ZFAND3: variants seen among roughly 807,000 people sequenced by gnomAD.
ZFAND3 encodes zinc finger AN1-type containing 3, also known as AN1-type zinc finger protein 3.
ZFAND3 carries 10 observed loss-of-function variants against 29.6 expected under a neutral mutation model. That is an observed-to-expected ratio of 0.34 (90% CI 0.21 to 0.57). The LOEUF is 0.57. Ranked by LOEUF, ZFAND3 falls within the 20% of genes least tolerant of loss-of-function variation. The pLI, the probability that ZFAND3 is intolerant of heterozygous loss-of-function variation, is 0.86. For synonymous variants in ZFAND3, 128 were observed against 112.6 expected, an observed-to-expected ratio of 1.14 and a Z score of -0.87; for missense variants, 230 against 304.5, an observed-to-expected ratio of 0.76 and a Z score of 1.82.
intron 4 of ZFAND3, among the ~76,000 whole-genome samples, chr6:38,116,253 A>G (rs866270399): frequency 1.3e-5 from 2 of 152,244 alleles, no homozygotes; most frequent in African/African-American, 4.8e-5. Flanking sequence ...ATACAAAGAC[A>G]GGACCCCATT....
intron 1 of ZFAND3, among the ~76,000 whole-genome samples, chr6:37,821,030 A>C (rs1468631814): frequency 3.9e-5 from 6 of 152,092 alleles, no homozygotes; most frequent in Non-Finnish European, 8.8e-5. Flanking sequence ...GTTTTGTTTT[A>C]GTTTTATTTT....
At chr6:37,879,860 G>T (rs1315109407) in intron 1 of ZFAND3, among the ~76,000 whole-genome samples, 1 of 152,150 alleles carries the variant, frequency 6.6e-6, no homozygotes, top group East Asian at 1.9e-4. Flanking sequence ...GAAGATGTTG[G>T]CTTGGAACTT....
intron 2 of ZFAND3, among the ~76,000 whole-genome samples, chr6:37,962,608 A>T (rs549128775): frequency 6.6e-6 from 1 of 152,104 alleles, no homozygotes; most frequent in Non-Finnish European, 1.5e-5. Context: ...AAATGCAGCA[A>T]TCAGCACTCT....
intron 1 of ZFAND3, among the ~76,000 whole-genome samples, chr6:37,900,764 G>A (rs1021925852): frequency 6.6e-6 from 1 of 152,002 alleles, no homozygotes. Context: ...TGCAGAATCG[G>A]GTGGGGCAAG....
intron 2 of ZFAND3, among the ~76,000 whole-genome samples, chr6:38,043,653 C>T (rs896704686): frequency 2.0e-4 from 30 of 151,432 alleles, no homozygotes; most frequent in African/African-American, 6.3e-4. Flanking sequence ...TGCTCTGTAA[C>T]CTAGATGGAG....
intron 5 of ZFAND3, among the ~76,000 whole-genome samples, chr6:38,146,706 C>G (rs1766114799): frequency 1.3e-5 from 2 of 152,200 alleles, no homozygotes; most frequent in Non-Finnish European, 2.9e-5. Flanking sequence ...ACATTTTCAG[C>G]CACTTTGCCA....
At chr6:37,829,766 C>T (rs776870812) in intron 1 of ZFAND3, among the ~76,000 whole-genome samples, 5 of 152,108 alleles carry the variant, frequency 3.3e-5, no homozygotes, top group Non-Finnish European at 5.9e-5. Context: ...TGCTTAAAAC[C>T]GTGCATTTTA....
intron 1 of ZFAND3, among the ~76,000 whole-genome samples, chr6:37,917,044 T>C (rs1304568787): frequency 1.3e-5 from 2 of 152,252 alleles, no homozygotes; most frequent in African/African-American, 4.8e-5. Flanking sequence ...ATAGTGATGC[T>C]GACATAGTGT....
chr6:37,888,949 A>G (rs1765046821), intron 1 of ZFAND3, among the ~76,000 whole-genome samples: 1 of 152,228 alleles, frequency 6.6e-6, no homozygotes, highest in Non-Finnish European at 1.5e-5. Context: ...CTGTTCCTGT[A>G]TTTATCCCAC....
At chr6:37,841,845 T>G (rs1764082923) in intron 1 of ZFAND3, among the ~76,000 whole-genome samples, 1 of 152,188 alleles carries the variant, frequency 6.6e-6, no homozygotes. Context: ...AGCATAGTAT[T>G]CAGTGAGTTT....
chr6:37,969,562 G>A (rs1323084454), intron 2 of ZFAND3, among the ~76,000 whole-genome samples: 1 of 152,204 alleles, frequency 6.6e-6, no homozygotes, highest in African/African-American at 2.4e-5. Context: ...GGCTGGATGA[G>A]TACTCAAAGT....
intron 4 of ZFAND3, 73 bp downstream of exon 4, chr6:38,082,530 TGGTGTG>T: frequency 7.0e-7 from 1 of 1,435,534 alleles, no homozygotes; most frequent in Non-Finnish European, 9.7e-7. Flanking sequence ...GGTTCTAACT[TGGTGTG>T]CTTCTCAGGG....
chr6:37,903,975 A>G (rs1765364855), intron 1 of ZFAND3, among the ~76,000 whole-genome samples: 1 of 152,182 alleles, frequency 6.6e-6, no homozygotes, highest in Non-Finnish European at 1.5e-5. Flanking sequence ...AGGAATAAAT[A>G]ACTATAGCCT....
chr6:38,019,437 G>A (rs1763308417), intron 2 of ZFAND3, among the ~76,000 whole-genome samples: 2 of 152,046 alleles, frequency 1.3e-5, no homozygotes, highest in South Asian at 4.1e-4. Flanking sequence ...TTCACATTAA[G>A]AAAATGAGTC....
intron 2 of ZFAND3, among the ~76,000 whole-genome samples, chr6:37,979,584 A>G (rs1762547181): frequency 6.6e-6 from 1 of 152,166 alleles, no homozygotes; most frequent in African/African-American, 2.4e-5. Context: ...ACTCTATGCA[A>G]TGCTCCTGAA....
At chr6:37,846,642 T>TG in intron 1 of ZFAND3, among the ~76,000 whole-genome samples, 1 of 152,050 alleles carries the variant, frequency 6.6e-6, no homozygotes, top group East Asian at 1.9e-4. Flanking sequence ...TAGAAAGAGG[T>TG]GGAGCTGGAA....
At chr6:38,115,955 C>T (rs1454113731) in intron 4 of ZFAND3, among the ~76,000 whole-genome samples, 1 of 152,142 alleles carries the variant, frequency 6.6e-6, no homozygotes, top group African/African-American at 2.4e-5. Flanking sequence ...TGCATGTGTA[C>T]CAGCAGAGGT....
chr6:37,973,254 T>TA (rs1762421177), intron 2 of ZFAND3, among the ~76,000 whole-genome samples: 1 of 152,166 alleles, frequency 6.6e-6, no homozygotes, highest in African/African-American at 2.4e-5. Flanking sequence ...TTTATGGGAT[T>TA]AAAAAAATTC....
chr6:37,929,980 C>G lies in ZFAND3; in HGVS notation c.93C>G (p.Leu31=). Residue 31 remains leucine, a synonymous_variant, in exon 2 of 6, where the codon CTC becomes CTG. Coordinates refer to ENST00000287218, the MANE Select transcript of ZFAND3 (RefSeq NM_021943.3). ...GFWGSSKTMN[L]CSKCFADFQK... ...CCAGGTCCAGCAAGACTATGAATCT[C>G]TGTTCCAAATGCTTTGCTGGTAAGT... 3 of 1,595,734 alleles carry G rather than the reference C, an allele frequency of 1.9e-6. No individual in the cohort carries two copies. The highest frequency in any genetic ancestry group is 1.7e-4 in the Middle Eastern group (1 of 5,974).
Sources: gnomAD v4.1 joint callset for allele counts (sites outside exome capture counted in the v4.1 genomes callset) on GRCh38, gnomAD v4.1.1 for gene constraint, MANE v1.5 for transcripts, NCBI Gene and HGNC (gene_info 2026-07-23, HGNC 2026-07-21) for gene names.